JPH4: variants seen among roughly 807,000 people sequenced by gnomAD.
JPH4 encodes the protein junctophilin 4.
JPH4 carries 18 observed loss-of-function variants against 57.6 expected under a neutral mutation model. The observed-to-expected ratio is 0.31, with a 90% CI of 0.22 to 0.46. The LOEUF (loss-of-function observed/expected upper bound fraction) is 0.46. Ranked by LOEUF, JPH4 falls within the 20% of genes least tolerant of loss-of-function variation. The pLI is 1.00. For missense variants in JPH4, 727 were observed against 911.1 expected (o/e 0.80, Z 2.60); for synonymous variants, 425 against 406.6 (o/e 1.05, Z -0.54).
At chr14:23,573,143 G>A (rs77363281) in intron 3 of JPH4, 14,950 of 600,024 alleles carry the variant, frequency 0.025, 276 homozygotes, top group Non-Finnish European at 0.035. Flanking sequence ...GGGTGGGGAA[G>A]AGGATGGTGA....
chr14:23,573,545 T>C (rs567525191), intron 3 of JPH4, among the ~76,000 whole-genome samples: 4 of 152,154 alleles, frequency 2.6e-5, no homozygotes, highest in African/African-American at 7.2e-5. Context: ...GTATGAAGAG[T>C]ATGGATGATC....
chr14:23,568,461 T>C lies in JPH4; in HGVS notation c.*1173A>G. On this transcript the variant is annotated 3_prime_UTR_variant, in exon 6 of 6. Transcript: ENST00000356300. The stretch of plus-strand genomic sequence containing the variant: ...TCTCCACCCACCTGTCACCCGGGTT[T>C]GACTCCCACCTCTGCCCTGCCTGGG... 4 of 985,744 alleles carry C rather than the reference T, an allele frequency of 4.1e-6. No homozygotes were observed. In the South Asian group the frequency reaches 1.9e-4, roughly 46 times the overall value. 61.1% of individuals were successfully genotyped at this position (985,744 alleles called of 1,614,324 possible).
In JPH4 at chr14:23,571,771, ACTGCCCTCCCCCCAG is replaced by A; in HGVS notation, c.1270+16_1270+30del. On this transcript the variant is annotated intron_variant, in intron 4 of 5. Transcript: ENST00000356300. The surrounding 1 kb of genome is among the most constrained non-coding windows in gnomAD (Gnocchi z 4.6). Reference sequence around the variant, plus strand: ...GCCTCTCTAGCTCCCTAGGGGCCTCACTGCCCTCCCCCCAGCTGTCCATGCCTCACCTGGGGCCTC... The same window carrying A: ...GCCTCTCTAGCTCCCTAGGGGCCTCACTGTCCATGCCTCACCTGGGGCCTC... 1.9e-6 allele frequency: 3 copies of A among 1,587,106 alleles called. No individual in the cohort carries two copies. The highest frequency in any genetic ancestry group is 2.6e-6 in the Non-Finnish European group (3 of 1,159,328).
chr14:23,574,447 C>A (rs1173664913), intron 3 of JPH4, among the ~76,000 whole-genome samples: 1 of 152,204 alleles, frequency 6.6e-6, no homozygotes, highest in African/African-American at 2.4e-5. Flanking sequence ...GCTGGGATTA[C>A]AGGCATGAGC....
rs745972476 is a variant in JPH4 at position 23,577,476 on chromosome 14, G to GC, written c.-24dup. The GC allele has an allele frequency of 1.4e-4, 189 of 1,393,804 alleles. No homozygotes were observed. Among genetic ancestry groups the GC allele is most frequent in the East Asian group, 1.7e-4 (6 of 34,424 alleles). The allele number at this position is 1,393,804 out of a possible 1,614,324, so 86.3% of individuals were successfully genotyped here. A position where few individuals can be genotyped will look rare whatever the true frequency, so the allele number is the denominator to read the frequency against. ...CATGCATGTAGTTGGCGCGGCCTCA[G>GC]CCCCCCGGCGGCTCAGCGCATCCTG... is the stretch of plus-strand genomic sequence containing the variant. On this transcript the variant is annotated 5_prime_UTR_variant, in exon 2 of 6. It removes the in-frame stop codon of an upstream open reading frame in the 5' UTR. Coordinates refer to ENST00000356300, the MANE Select transcript of JPH4 (RefSeq NM_001146028.2). The surrounding 1 kb of genome is among the most constrained non-coding windows in gnomAD (Gnocchi z 8.4).
intron 3 of JPH4, chr14:23,572,839 T>C: frequency 1.4e-6 from 1 of 702,386 alleles, no homozygotes; most frequent in Non-Finnish European, 2.6e-6. Flanking sequence ...CCACCTTCCC[T>C]GCTCCTTAGG....
In JPH4 at chr14:23,576,331, C is replaced by G. The variant is rs1033147953; in HGVS notation, c.505G>C (p.Asp169His). ...RRTSLDSGHSDPPTPPPPLPL... is the reference protein window; with the variant it reads ...RRTSLDSGHSHPPTPPPPLPL... ...AGGGGCGGGGGTGGCGTCGGGGGGT[C>G]GCTGTGGCCGGAATCCAGGGAGGTG... The change falls in exon 3 of 6, where the codon GAC becomes CAC. Residue 169 changes from aspartate (D) to histidine (H), a missense_variant. By Grantham distance (81) the Asp-to-His change is moderately conservative. This residue lies in a region of JPH4 where 131 missense variants were observed against 156.5 expected (regional missense o/e 0.84). Coordinates refer to ENST00000356300, the MANE Select transcript of JPH4 (RefSeq NM_001146028.2). The surrounding 1 kb of genome is among the most constrained non-coding windows in gnomAD (Gnocchi z 8.0). 4.6e-6 allele frequency: 6 copies of G among 1,295,392 alleles called. No individual in the cohort carries two copies. Among genetic ancestry groups the G allele is most frequent in the Non-Finnish European group, 5.9e-6 (6 of 1,024,432 alleles). The allele number at this position is 1,295,392 out of a possible 1,614,324, so 80.2% of individuals were successfully genotyped here.
In JPH4 at chr14:23,568,116, G is replaced by A; in HGVS notation, c.*1518C>T. The A allele has an allele frequency of 2.0e-6, 2 of 985,302 alleles. No homozygotes were observed. The highest frequency in any genetic ancestry group is 2.4e-6 in the Non-Finnish European group (2 of 829,538). 61.0% of individuals were successfully genotyped at this position (985,302 alleles called of 1,614,324 possible). A position where few individuals can be genotyped will look rare whatever the true frequency, so the allele number is the denominator to read the frequency against. ...TTTCCTGCAAGACTTGGTGTTGGCG[G>A]CACTGTTGTAGTTTAACTTCAATCC... On this transcript the variant is annotated 3_prime_UTR_variant, in exon 6 of 6. Coordinates refer to ENST00000356300, the MANE Select transcript of JPH4 (RefSeq NM_001146028.2).
chr14:23,577,068 C>T lies in JPH4; in HGVS notation c.379+7G>A. 1 of 1,518,244 alleles carries T rather than the reference C, an allele frequency of 6.6e-7. No homozygotes were observed. Among genetic ancestry groups the T allele is most frequent in the Non-Finnish European group, 8.8e-7 (1 of 1,134,670 alleles). 94.0% of individuals were successfully genotyped at this position (1,518,244 alleles called of 1,614,324 possible). ...GCAGACAGACACTGGTGGGCCGGGC[C>T]CCGCACCTCCGTCGGAGTAGGTCTC... On this transcript the variant is annotated splice_region_variant and intron_variant, in intron 2 of 5. Coordinates refer to ENST00000356300, the MANE Select transcript of JPH4 (RefSeq NM_001146028.2). This position sits in a 1 kb window ranked among gnomAD's most constrained non-coding sequence, Gnocchi z 8.4.
intron 3 of JPH4, among the ~76,000 whole-genome samples, chr14:23,573,676 G>A (rs751621160): frequency 3.3e-5 from 5 of 152,136 alleles, no homozygotes; most frequent in African/African-American, 7.2e-5. Context: ...GCAGCCAGTC[G>A]GGATTGCCAG....
Position 23,577,466 on chromosome 14 carries a change from C to G in JPH4, c.-13G>C. The G allele has an allele frequency of 7.1e-7, 1 of 1,401,214 alleles. No homozygotes were observed. Among genetic ancestry groups the G allele is most frequent in the Non-Finnish European group, 9.2e-7 (1 of 1,081,178 alleles). 86.8% of individuals were successfully genotyped at this position (1,401,214 alleles called of 1,614,324 possible). A position where few individuals can be genotyped will look rare whatever the true frequency, so the allele number is the denominator to read the frequency against. Reference sequence around the variant, plus strand: ...CCCCGGGGGACATGCATGTAGTTGGCGCGGCCTCAGCCCCCCGGCGGCTCA... The same window carrying G: ...CCCCGGGGGACATGCATGTAGTTGGGGCGGCCTCAGCCCCCCGGCGGCTCA... On this transcript the variant is annotated 5_prime_UTR_variant, in exon 2 of 6. Transcript: ENST00000356300. This position sits in a 1 kb window ranked among gnomAD's most constrained non-coding sequence, Gnocchi z 8.4.
rs1048469850 is a variant in JPH4, at chr14:23,571,590, C to T, written c.1271-130G>A. On this transcript the variant is annotated intron_variant, in intron 4 of 5. Coordinates refer to ENST00000356300, the MANE Select transcript of JPH4 (RefSeq NM_001146028.2). The surrounding 1 kb of genome is among the most constrained non-coding windows in gnomAD (Gnocchi z 4.6). ...GGCTCATAGCCTCTCACCGCCAGAC[C>T]CCAAACCCCCCATTATCCTACTGCA... The T allele has an allele frequency of 5.1e-6, 6 of 1,182,182 alleles. No homozygotes were observed. Among genetic ancestry groups the T allele is most frequent in the Non-Finnish European group, 7.2e-6 (6 of 837,980 alleles). 73.2% of individuals were successfully genotyped at this position (1,182,182 alleles called of 1,614,324 possible). A position where few individuals can be genotyped will look rare whatever the true frequency, so the allele number is the denominator to read the frequency against.
In JPH4 at chr14:23,577,201, C is replaced by T; in HGVS notation, c.253G>A (p.Gly85Ser). 1 of 1,537,276 alleles carries T rather than the reference C, an allele frequency of 6.5e-7. No individual in the cohort carries two copies. Among genetic ancestry groups the T allele is most frequent in the Non-Finnish European group, 8.7e-7 (1 of 1,146,392 alleles). The change falls in exon 2 of 6, where the codon GGC (glycine) becomes AGC (serine). Residue 85 changes from glycine (G) to serine (S), a missense_variant. Transcript: ENST00000356300. The surrounding 1 kb of genome is among the most constrained non-coding windows in gnomAD (Gnocchi z 8.4). ...CCCTTCAGCCCGCCCAGCCACTCGC[C>T]GCGGTACGTCCAGCGGCTCTTGCGC... ...VERKSRWTYR[G>S]EWLGGLKGRS...
chr14:23,577,694 C>A lies in JPH4; in HGVS notation c.-171-70G>T. On this transcript the variant is annotated intron_variant, in intron 1 of 5. Coordinates refer to ENST00000356300, the MANE Select transcript of JPH4 (RefSeq NM_001146028.2). The surrounding 1 kb of genome is among the most constrained non-coding windows in gnomAD (Gnocchi z 8.4). ...CCTCTTTGCCCGCCGCTCCCTGGCCCGGTGGCTCTGGGGCATCAGCGCCGC... is the reference window on the plus strand; with the variant it reads ...CCTCTTTGCCCGCCGCTCCCTGGCCAGGTGGCTCTGGGGCATCAGCGCCGC... 2.5e-6 allele frequency: 1 copy of A among 396,540 alleles called. No individual in the cohort carries two copies. The highest frequency in any genetic ancestry group is 4.5e-6 in the Non-Finnish European group (1 of 224,326). 24.6% of individuals were successfully genotyped at this position (396,540 alleles called of 1,614,324 possible).
In JPH4 at chr14:23,571,594, A is replaced by T; in HGVS notation, c.1271-134T>A. The T allele has an allele frequency of 8.5e-7, 1 of 1,180,974 alleles. No individual in the cohort carries two copies. The highest frequency in any genetic ancestry group is 1.2e-6 in the Non-Finnish European group (1 of 836,630). 73.2% of individuals were successfully genotyped at this position (1,180,974 alleles called of 1,614,324 possible). ...CATAGCCTCTCACCGCCAGACCCCAAACCCCCCATTATCCTACTGCATACA... is the reference window on the plus strand; with the variant it reads ...CATAGCCTCTCACCGCCAGACCCCATACCCCCCATTATCCTACTGCATACA... On this transcript the variant is annotated intron_variant, in intron 4 of 5. Coordinates refer to ENST00000356300, the MANE Select transcript of JPH4 (RefSeq NM_001146028.2). The surrounding 1 kb of genome is among the most constrained non-coding windows in gnomAD (Gnocchi z 4.6).
intron 3 of JPH4, among the ~76,000 whole-genome samples, chr14:23,573,630 C>T (rs961648899): frequency 1.3e-5 from 2 of 152,196 alleles, no homozygotes; most frequent in African/African-American, 2.4e-5. Flanking sequence ...GGCAGAGGCA[C>T]CTGCTGCTGA....
chr14:23,575,318 G>A lies in JPH4; in HGVS notation c.1151+367C>T. 3.2e-6 allele frequency: 1 copy of A among 310,540 alleles called. No homozygotes were observed. The highest frequency in any genetic ancestry group is 6.1e-6 in the Non-Finnish European group (1 of 165,084). The allele number at this position is 310,540 out of a possible 1,614,324, so 19.2% of individuals were successfully genotyped here. ...GGAGGCTGGATCAGCTGCAAGAGGA[G>A]GAAGACTAGGGACATGTTTTGAGTT... On this transcript the variant is annotated intron_variant, in intron 3 of 5. Transcript: ENST00000356300. The surrounding 1 kb of genome is among the most constrained non-coding windows in gnomAD (Gnocchi z 6.9).
rs1001299595 is a variant in JPH4, at chr14:23,577,732, C to T, written c.-171-108G>A. The T allele has an allele frequency of 4.5e-4, 154 of 344,064 alleles. No individual in the cohort carries two copies. Among genetic ancestry groups the T allele is most frequent in the African/African-American group, 3.0e-3 (141 of 47,378 alleles). 21.3% of individuals were successfully genotyped at this position (344,064 alleles called of 1,614,324 possible). On this transcript the variant is annotated intron_variant, in intron 1 of 5. Coordinates refer to ENST00000356300, the MANE Select transcript of JPH4 (RefSeq NM_001146028.2). The surrounding 1 kb of genome is among the most constrained non-coding windows in gnomAD (Gnocchi z 8.4). ...GCATCAGCGCCGCCCCCCAATCCAC[C>T]CCCCTCCTTTGGCAGCATCTTCCAG...
intron 5 of JPH4, 130 bp downstream of exon 5, chr14:23,570,798 G>T: frequency 2.2e-6 from 2 of 895,758 alleles, no homozygotes; most frequent in South Asian, 3.3e-5. Flanking sequence ...GGTGGGATGT[G>T]GTCCAAGACT....
Sources: allele counts gnomAD v4.1 joint callset (sites outside exome capture counted in the v4.1 genomes callset), GRCh38; gene constraint gnomAD v4.1.1; regional missense constraint gnomAD v4.1.1; non-coding constraint Gnocchi (gnomAD v3.1); transcripts MANE v1.5; gene names NCBI Gene and HGNC (gene_info 2026-07-23, HGNC 2026-07-21).